The following PTPRC variants were observed in gnomAD, a reference collection of about 807,000 sequenced individuals.
PTPRC encodes receptor-type tyrosine-protein phosphatase C.
Under a neutral mutation model 155.9 loss-of-function variants are expected in PTPRC, and 44 were observed. That is an observed-to-expected ratio of 0.28 (90% CI 0.22 to 0.36). PTPRC has a LOEUF of 0.36. Among genes scored for constraint, PTPRC ranks in the 10% least tolerant of loss-of-function variants. PTPRC has a pLI of 1.00. For missense variants in PTPRC, 1,401 were observed against 1,564.6 expected, an observed-to-expected ratio of 0.90 and a Z score of 1.76; for synonymous variants, 525 against 533.1, an observed-to-expected ratio of 0.98 and a Z score of 0.21.
chr1:198,700,715 G>T (rs370414149), intron 5 of PTPRC, among the ~76,000 whole-genome samples: 4 of 152,314 alleles, frequency 2.6e-5, no homozygotes, highest in Admixed American at 2.0e-4. Flanking sequence ...AGACTAGTCT[G>T]CTCTGTCCTG....
intron 2 of PTPRC, among the ~76,000 whole-genome samples, chr1:198,660,924 C>T (rs1013449954): frequency 6.6e-6 from 1 of 152,156 alleles, no homozygotes; most frequent in African/African-American, 2.4e-5. Context: ...ACAGTATTTT[C>T]AGTAAGCTCT....
intron 8 of PTPRC, among the ~76,000 whole-genome samples, chr1:198,705,356 T>C (rs1164301688): frequency 2.0e-5 from 3 of 152,114 alleles, no homozygotes; most frequent in South Asian, 2.1e-4. Flanking sequence ...TGCCTCCTTA[T>C]GTTCTTCACT....
At chr1:198,660,027 G>A (rs1226301361) in intron 2 of PTPRC, among the ~76,000 whole-genome samples, 1 of 60,750 alleles carries the variant, frequency 1.6e-5, no homozygotes. Context: ...CCATATATAT[G>A]TCCATATATA....
chr1:198,750,365 A>G (rs910320937), intron 28 of PTPRC, 127 bp from the exon 29 acceptor site: 1 of 979,792 alleles, frequency 1.0e-6, no homozygotes, highest in Non-Finnish European at 1.6e-6. Context: ...TAAGAAACAT[A>G]AGAATATTAC....
chr1:198,738,170 C>G (rs1654735610), intron 23 of PTPRC, among the ~76,000 whole-genome samples: 1 of 151,722 alleles, frequency 6.6e-6, no homozygotes, highest in Admixed American at 6.6e-5. Flanking sequence ...TCTGATGGCT[C>G]TAGCTGGGAC....
At chr1:198,722,220 C>G (rs1334520584) in intron 14 of PTPRC, among the ~76,000 whole-genome samples, 196 bp from the exon 15 acceptor site, 1 of 150,014 alleles carries the variant, frequency 6.7e-6, no homozygotes, top group Non-Finnish European at 1.5e-5. Flanking sequence ...GATAAGATAT[C>G]TTTTTGATTG....
intron 2 of PTPRC, among the ~76,000 whole-genome samples, chr1:198,665,426 C>A (rs767732489): frequency 2.0e-5 from 3 of 151,838 alleles, no homozygotes; most frequent in Non-Finnish European, 4.4e-5. Context: ...GTCAAGAAGT[C>A]ATTATTGAGA....
At chr1:198,719,777 A>C (rs755837310) in intron 14 of PTPRC, among the ~76,000 whole-genome samples, 5 of 151,718 alleles carry the variant, frequency 3.3e-5, no homozygotes, top group Non-Finnish European at 7.4e-5. Context: ...CACCTGGCAA[A>C]TTTTTGTATT....
At chr1:198,734,553 T>C in intron 22 of PTPRC, 128 bp downstream of exon 22, 2 of 838,710 alleles carry the variant, frequency 2.4e-6, no homozygotes, top group Non-Finnish European at 4.0e-6. Context: ...TAATCAGTGT[T>C]AACATTTAAT....
chr1:198,743,703 A>G (rs1655015613), intron 25 of PTPRC, among the ~76,000 whole-genome samples: 2 of 151,896 alleles, frequency 1.3e-5, no homozygotes, highest in African/African-American at 2.4e-5. Flanking sequence ...GAAATTTATT[A>G]TAGTTTTACA....
At position 198,749,553 on chromosome 1, in the gene PTPRC, G is replaced by T; in HGVS notation, c.3072+4G>T. ...CATCAATGCATCTTTTATAATGGTA[G>T]GTACTTAAATTGCCAAAACCCAAGA... On this transcript the variant is annotated splice_donor_region_variant and intron_variant, in intron 28 of 32. Transcript: ENST00000442510. The T allele has an allele frequency of 6.2e-7, 1 of 1,610,114 alleles. No individual in the cohort carries two copies. The highest frequency in any genetic ancestry group is 1.1e-5 in the South Asian group (1 of 90,984).
chr1:198,645,020 A>G (rs926800442), intron 2 of PTPRC, among the ~76,000 whole-genome samples: 2 of 151,838 alleles, frequency 1.3e-5, no homozygotes, highest in Admixed American at 1.3e-4. Flanking sequence ...ATTTAAGAAT[A>G]TAATCAAAAT....
chr1:198,700,485 CTG>C (rs1358375138), intron 5 of PTPRC, among the ~76,000 whole-genome samples: 1 of 152,172 alleles, frequency 6.6e-6, no homozygotes, highest in Non-Finnish European at 1.5e-5. Flanking sequence ...AGTATTAAAA[CTG>C]TGCCCTTGGC....
chr1:198,750,705 C>T (rs1489421875), intron 29 of PTPRC, 79 bp downstream of exon 29: 8 of 1,532,908 alleles, frequency 5.2e-6, no homozygotes, highest in African/African-American at 2.7e-5. Context: ...CTTGCTTCAT[C>T]GCCATACCCA....
chr1:198,692,433 T>C, intron 3 of PTPRC, 60 bp downstream of exon 3: 1 of 1,228,932 alleles, frequency 8.1e-7, no homozygotes, highest in Non-Finnish European at 1.1e-6. Flanking sequence ...GTTTATATAT[T>C]TAACTACAAT....
rs750075724 is a variant in PTPRC, at chr1:198,757,121, G to GAAA, written c.*943_*945dup. The GAAA allele has an allele frequency of 9.9e-5, 15 of 151,662 alleles. No individual in the cohort carries two copies. Among genetic ancestry groups the GAAA allele is most frequent in the Non-Finnish European group, 2.2e-4 (15 of 67,786 alleles). 9.4% of individuals were successfully genotyped at this position (151,662 alleles called of 1,614,324 possible). A position where few individuals can be genotyped will look rare whatever the true frequency, so the allele number is the denominator to read the frequency against. ...TTTTTATGGAATTTTTCATTGATAT[G>GAAA]AAAAATATGATATTGCATATGCATA... On this transcript the variant is annotated 3_prime_UTR_variant, in exon 33 of 33. Transcript: ENST00000442510.
chr1:198,682,954 C>T lies in PTPRC; in HGVS notation c.74-9393C>T, dbSNP rs6696159. ...ACATAATATTTACTCATTTTTGAGT[C>T]CCTAATAGCTCTTTAGCACAAATAC... On this transcript the variant is annotated intron_variant, in intron 2 of 32. Coordinates refer to ENST00000442510, the MANE Select transcript of PTPRC (RefSeq NM_002838.5). Among the ~76,000 whole-genome samples, 1,098 of 152,238 alleles carry T rather than the reference C, an allele frequency of 7.2e-3. 10 individuals are homozygous for T. Among genetic ancestry groups the T allele is most frequent in the African/African-American group, 0.024 (992 of 41,552 alleles).
chr1:198,721,511 A>G (rs938646226), intron 14 of PTPRC, among the ~76,000 whole-genome samples: 4 of 152,086 alleles, frequency 2.6e-5, no homozygotes, highest in African/African-American at 7.2e-5. Context: ...AAACATTTTG[A>G]TTATTGATGA....
At chr1:198,720,127 C>T (rs1214177769) in intron 14 of PTPRC, among the ~76,000 whole-genome samples, 1 of 152,044 alleles carries the variant, frequency 6.6e-6, no homozygotes, top group African/African-American at 2.4e-5. Context: ...GTTATTCTCT[C>T]AGAGTATTAT....
Sources: gnomAD v4.1 joint callset for allele counts (sites outside exome capture counted in the v4.1 genomes callset) on GRCh38, gnomAD v4.1.1 for gene constraint, MANE v1.5 for transcripts, NCBI Gene and HGNC (gene_info 2026-07-23, HGNC 2026-07-21) for gene names.